The following ELP1 variants were observed in gnomAD, a reference collection of about 807,000 sequenced individuals.
ELP1 encodes the protein elongator acetyltransferase complex subunit 1, also known as elongator complex protein 1.
Under a neutral mutation model 183.2 loss-of-function variants are expected in ELP1, and 131 were observed. The observed-to-expected ratio is 0.72, with a 90% CI of 0.62 to 0.83. ELP1 has a LOEUF of 0.83. ELP1 is among the 40% of genes least tolerant of loss of function. The pLI is 0.00. For synonymous variants in ELP1, 555 were observed against 569.0 expected (o/e 0.98, Z 0.35); for missense variants, 1,550 against 1,594.9 (o/e 0.97, Z 0.48).
chr9:108,908,779 CT>C (rs1333063670), intron 12 of ELP1, among the ~76,000 whole-genome samples: 4 of 152,208 alleles, frequency 2.6e-5, no homozygotes, highest in African/African-American at 9.7e-5. Context: ...CAATGCAAGC[CT>C]TTAAAAAATT....
intron 5 of ELP1, among the ~76,000 whole-genome samples, chr9:108,925,189 G>A (rs897804118): frequency 6.6e-6 from 1 of 151,926 alleles, no homozygotes; most frequent in Admixed American, 6.6e-5. Context: ...ATGCCATCAC[G>A]AGCCATCTTT....
rs148600490 is a variant in ELP1, at chr9:108,876,004, G to A, written c.3856-1034C>T. Among the ~76,000 whole-genome samples the A allele has an allele frequency of 1.2e-3, 184 of 152,332 alleles. 4 individuals carry two copies. In the East Asian group the frequency reaches 0.03, roughly 25 times the overall value. On this transcript the variant is annotated intron_variant, in intron 35 of 36. Transcript: ENST00000374647. ...TTATTATCTTCAAGCCGGGCATGGT[G>A]GCTGATGCCTATAGTCCCAGCACTT...
intron 3 of ELP1, among the ~76,000 whole-genome samples, chr9:108,928,355 T>G (rs916717206): frequency 6.6e-6 from 1 of 152,106 alleles, no homozygotes; most frequent in African/African-American, 2.4e-5. Context: ...ATAACAGCAA[T>G]GACCAAGATC....
chr9:108,870,014 T>C (rs1193147102), intron 36 of ELP1, among the ~76,000 whole-genome samples: 2 of 152,206 alleles, frequency 1.3e-5, no homozygotes, highest in East Asian at 3.9e-4. Flanking sequence ...CTCATTTTGT[T>C]GCCCAGGTTG....
In ELP1 at chr9:108,900,266, T is replaced by C; in HGVS notation, c.2124A>G (p.Val708=). The change falls in exon 19 of 37, where the codon GTA becomes GTG. Residue 708 remains valine, a synonymous_variant. Transcript: ENST00000374647. ...VTVVPQDTKL[V]LQMPRGNLEV... is the part of the protein sequence containing the mutation. ...GTCTGAAAAACCAGCTTACCTGTAATACAAGCTTTGTGTCCTGGGGCACAA... is the reference window on the plus strand; with the variant it reads ...GTCTGAAAAACCAGCTTACCTGTAACACAAGCTTTGTGTCCTGGGGCACAA... 2 of 1,612,294 alleles carry C rather than the reference T, an allele frequency of 1.2e-6. No individual in the cohort carries two copies. Among genetic ancestry groups the C allele is most frequent in the Non-Finnish European group, 1.7e-6 (2 of 1,178,244 alleles).
At chr9:108,929,617 T>A in intron 3 of ELP1, 152 bp downstream of exon 3, 1 of 760,874 alleles carries the variant, frequency 1.3e-6, no homozygotes, top group Non-Finnish European at 2.1e-6. Flanking sequence ...TAAAGCCATG[T>A]TAACAATTTT....
At chr9:108,909,682 C>T (rs988081837) in intron 12 of ELP1, among the ~76,000 whole-genome samples, 1 of 152,192 alleles carries the variant, frequency 6.6e-6, no homozygotes, top group Non-Finnish European at 1.5e-5. Context: ...CTCTTGCTAG[C>T]TCCTGCCTGG....
chr9:108,888,789 C>CT (rs1828218391), intron 29 of ELP1, among the ~76,000 whole-genome samples: 1 of 152,218 alleles, frequency 6.6e-6, no homozygotes, highest in Admixed American at 6.5e-5. Flanking sequence ...GCAATAATCC[C>CT]TGGTGTCAAC....
At chr9:108,872,804 GAAAAAAAAAAAAAAAAAAA>G (rs58139943) in intron 36 of ELP1, among the ~76,000 whole-genome samples, 28 of 83,366 alleles carry the variant, frequency 3.4e-4, no homozygotes, top group East Asian at 6.5e-4. Flanking sequence ...GACTCTGTCT[GAAAAAAAAAAAAAAAAAAA>G]AAAAAAAAAA....
intron 5 of ELP1, 84 bp from the exon 6 acceptor site, chr9:108,923,011 C>CT (rs1356067465): frequency 6.0e-6 from 6 of 991,876 alleles, no homozygotes; most frequent in Non-Finnish European, 8.1e-6. Context: ...TGAAGTTAGT[C>CT]ATTGGCAATT....
At chr9:108,911,483 C>T (rs1184478281) in intron 11 of ELP1, among the ~76,000 whole-genome samples, 1 of 152,160 alleles carries the variant, frequency 6.6e-6, no homozygotes, top group Non-Finnish European at 1.5e-5. Flanking sequence ...CCTGGGCCTG[C>T]AACCAAGCCA....
In ELP1 at chr9:108,919,321, T is replaced by C. The variant is rs1682473914; in HGVS notation, c.581A>G (p.His194Arg). ...MHESALPWDD[H>R]RPQVTWRGDG... ...CCCCCGCCAGGTAACTTGTGGTCTA[T>C]GGTCATCCCAGGGCAAAGCAGACTC... Residue 194 changes from histidine to arginine, a missense_variant, in exon 7 of 37, where the codon CAT (histidine) becomes CGT (arginine). His to Arg is a conservative substitution (Grantham distance 29, BLOSUM62 0). Transcript: ENST00000374647. 6.8e-6 allele frequency: 11 copies of C among 1,613,872 alleles called. No homozygotes were observed. The highest frequency in any genetic ancestry group is 9.3e-6 in the Non-Finnish European group (11 of 1,179,822).
At position 108,878,167 on chromosome 9, in the gene ELP1, G is replaced by C. The variant is rs1416585214; in HGVS notation, c.3701-18C>G. On this transcript the variant is annotated intron_variant, in intron 34 of 36. Transcript: ENST00000374647. ...TACTTCATCTAGAGAGAAGAAATTT[G>C]AAAGAGTGGTAAGTTATATTCCCAG... 6 of 1,597,436 alleles carry C rather than the reference G, an allele frequency of 3.8e-6. No homozygotes were observed. Among genetic ancestry groups the C allele is most frequent in the Middle Eastern group, 1.7e-4 (1 of 6,028 alleles).
At chr9:108,882,381 T>C (rs1827964078) in intron 29 of ELP1, among the ~76,000 whole-genome samples, 194 bp from the exon 30 acceptor site, 1 of 151,992 alleles carries the variant, frequency 6.6e-6, no homozygotes, top group Non-Finnish European at 1.5e-5. Flanking sequence ...GGGGTGTAAA[T>C]CCTGAAAATA....
At chr9:108,926,375 T>C in intron 5 of ELP1, 148 bp downstream of exon 5, 1 of 708,432 alleles carries the variant, frequency 1.4e-6, no homozygotes, top group Admixed American at 2.1e-5. Context: ...TGGGATGGGC[T>C]GAAGGAACTG....
intron 29 of ELP1, 33 bp downstream of exon 29, chr9:108,889,298 AC>A: frequency 3.1e-6 from 5 of 1,588,210 alleles, no homozygotes; most frequent in Non-Finnish European, 4.3e-6. Flanking sequence ...TTTCTTGCTG[AC>A]TGGGGGGTTT....
Position 108,878,660 on chromosome 9 carries a change from T to C in ELP1, c.3663A>G (p.Ala1221=). 6.2e-7 allele frequency: 1 copy of C among 1,614,230 alleles called. No homozygotes were observed. The highest frequency in any genetic ancestry group is 8.5e-7 in the Non-Finnish European group (1 of 1,180,036). The change falls in exon 34 of 37, where the codon GCA becomes GCG. Residue 1221 remains alanine, a synonymous_variant. Transcript: ENST00000374647. ...CAGTGTTCTGCACCACTTCACTCAG[T>C]GCCTCCAGGAGGGCCAGGTCCTCCA... ...SPLEDLALLE[A]LSEVVQNTEN... is the part of the protein sequence containing the mutation.
Position 108,912,481 on chromosome 9 carries a change from A to T in ELP1, c.972T>A (p.Thr324=). 1 of 1,613,368 alleles carries T rather than the reference A, an allele frequency of 6.2e-7. No individual in the cohort carries two copies. The highest frequency in any genetic ancestry group is 1.1e-5 in the South Asian group (1 of 91,014). The change falls in exon 11 of 37, where the codon ACT becomes ACA. Residue 324 remains threonine, a synonymous_variant. Transcript: ENST00000374647. The part of the protein sequence containing the change: ...SIPKTCVQLW[T]VGNYHWYLKQ... ...TGAGATACCAGTGATAGTTTCCAAC[A>T]GTCCAGAGCTGAACTGCAAGGGAAA...
At chr9:108,919,422 C>T (rs1009943215) in intron 6 of ELP1, 73 bp from the exon 7 acceptor site, 26 of 964,230 alleles carry the variant, frequency 2.7e-5, no homozygotes, top group African/African-American at 2.6e-4. Flanking sequence ...CCTCAGACCA[C>T]TAGATACAGA....
Sources: allele counts gnomAD v4.1 joint callset (sites outside exome capture counted in the v4.1 genomes callset), GRCh38; gene constraint gnomAD v4.1.1; transcripts MANE v1.5; gene names NCBI Gene and HGNC (gene_info 2026-07-23, HGNC 2026-07-21).